EBF1: variants seen among roughly 807,000 people sequenced by gnomAD.
EBF1 encodes the protein EBF transcription factor 1.
Under a neutral mutation model 68.4 loss-of-function variants are expected in EBF1, and 10 were observed. That is an observed-to-expected ratio of 0.15 (90% CI 0.09 to 0.25). The LOEUF is 0.25. EBF1 is among the 10% of genes least tolerant of loss of function. The probability of loss-of-function intolerance (pLI) is 1.00; values close to 1 mark genes in which losing one functional copy is unlikely to be tolerated. For synonymous variants in EBF1, 298 were observed against 299.8 expected, an observed-to-expected ratio of 0.99 and a Z score of 0.06; for missense variants, 509 against 794.4, an observed-to-expected ratio of 0.64 and a Z score of 4.32.
Position 158,699,158 on chromosome 5 carries a change from CAG to C in EBF1, c.1745-18_1745-17del. ...CCAGATATCGCTATGAAAGAAAAGA[CAG>C]AAGTCAATGGTTTCTTTGCGTTCAA... On this transcript the variant is annotated splice_polypyrimidine_tract_variant and intron_variant, in intron 15 of 15. Coordinates refer to ENST00000313708, the MANE Select transcript of EBF1 (RefSeq NM_024007.5). 2.5e-6 allele frequency: 4 copies of C among 1,596,166 alleles called. No individual in the cohort carries two copies. Among genetic ancestry groups the C allele is most frequent in the Non-Finnish European group, 2.6e-6 (3 of 1,170,902 alleles).
At chr5:158,911,931 A>T (rs1806073599) in intron 6 of EBF1, among the ~76,000 whole-genome samples, 1 of 152,236 alleles carries the variant, frequency 6.6e-6, no homozygotes. Context: ...TCATAAATAC[A>T]GCCATACCTG....
chr5:159,058,276 G>A (rs959445272), intron 6 of EBF1, among the ~76,000 whole-genome samples: 2 of 152,208 alleles, frequency 1.3e-5, no homozygotes, highest in African/African-American at 4.8e-5. Context: ...GTAAGAAAAT[G>A]TTTTGTTAAT....
chr5:159,077,745 CTTTT>C (rs58717165), intron 5 of EBF1, among the ~76,000 whole-genome samples: 1 of 80,616 alleles, frequency 1.2e-5, no homozygotes, highest in Admixed American at 1.3e-4. Flanking sequence ...CAGTGGTTTG[CTTTT>C]TTTTTTTTTT....
chr5:159,030,889 G>T (rs1019968265), intron 6 of EBF1, among the ~76,000 whole-genome samples: 1 of 152,248 alleles, frequency 6.6e-6, no homozygotes, highest in South Asian at 2.1e-4. Context: ...TATGAAAACA[G>T]TAGCCGGGCA....
intron 6 of EBF1, among the ~76,000 whole-genome samples, chr5:158,845,355 G>A (rs188151088): frequency 3.0e-4 from 45 of 152,240 alleles, no homozygotes; most frequent in Admixed American, 2.7e-3. Context: ...CGTAATTTTA[G>A]CTTTACTCCT....
chr5:158,889,175 C>T (rs1216943332), intron 6 of EBF1, among the ~76,000 whole-genome samples: 1 of 152,110 alleles, frequency 6.6e-6, no homozygotes, highest in African/African-American at 2.4e-5. Flanking sequence ...ATTTAAACAC[C>T]TAATACTGTA....
intron 6 of EBF1, among the ~76,000 whole-genome samples, chr5:158,857,457 T>C (rs1794250999): frequency 6.6e-6 from 1 of 152,116 alleles, no homozygotes; most frequent in Non-Finnish European, 1.5e-5. Flanking sequence ...GTTTGTAAGA[T>C]TGAAGTCCCG....
intron 6 of EBF1, among the ~76,000 whole-genome samples, chr5:158,946,987 G>A (rs1380256349): frequency 2.6e-5 from 4 of 152,192 alleles, no homozygotes; most frequent in African/African-American, 9.7e-5. Flanking sequence ...TTAACACTGT[G>A]AGGGGAAAAA....
intron 6 of EBF1, among the ~76,000 whole-genome samples, chr5:158,960,511 T>C (rs953846029): frequency 7.2e-5 from 11 of 152,298 alleles, no homozygotes; most frequent in Admixed American, 5.2e-4. Context: ...ATATTAAAAT[T>C]GTACATCTCT....
chr5:158,766,600 A>G (rs1411295811), intron 10 of EBF1, among the ~76,000 whole-genome samples: 3 of 152,204 alleles, frequency 2.0e-5, no homozygotes, highest in Admixed American at 1.3e-4. Flanking sequence ...GGAGAACACC[A>G]AATATTCAGA....
chr5:159,059,923 G>A (rs1388708907), intron 6 of EBF1, among the ~76,000 whole-genome samples: 1 of 152,164 alleles, frequency 6.6e-6, no homozygotes, highest in Non-Finnish European at 1.5e-5. Flanking sequence ...GAATAATTCA[G>A]CAGCCTCCAC....
intron 6 of EBF1, among the ~76,000 whole-genome samples, chr5:158,885,854 C>T (rs1043850568): frequency 6.6e-6 from 1 of 152,218 alleles, no homozygotes; most frequent in African/African-American, 2.4e-5. Flanking sequence ...GTTTTCTCTT[C>T]CTAGCATAGA....
chr5:158,745,304 A>G (rs1767313647), intron 10 of EBF1, among the ~76,000 whole-genome samples: 1 of 152,242 alleles, frequency 6.6e-6, no homozygotes, highest in Non-Finnish European at 1.5e-5. Flanking sequence ...TTGAAAAGCA[A>G]GTAATAAAGC....
chr5:158,943,650 CT>C (rs1429924322), intron 6 of EBF1, among the ~76,000 whole-genome samples: 2 of 152,126 alleles, frequency 1.3e-5, no homozygotes, highest in Non-Finnish European at 2.9e-5. Flanking sequence ...CAGATTTTAC[CT>C]AAGAGTGTGG....
Position 158,871,804 on chromosome 5 carries a change from C to A in EBF1, c.555-31694G>T, listed in dbSNP as rs1796917853. ...AGTTGGGGCCACAACCTTCCTCAGA[C>A]CTAGCCTTACGATCCAGGATCTCTT... is the stretch of plus-strand genomic sequence containing the variant. On this transcript the variant is annotated intron_variant, in intron 6 of 15. Coordinates refer to ENST00000313708, the MANE Select transcript of EBF1 (RefSeq NM_024007.5). 2.0e-5 allele frequency among the ~76,000 whole-genome samples: 3 copies of A among 152,314 alleles called. 1 individual carries two copies. In the South Asian group the frequency reaches 6.2e-4, roughly 32 times the overall value.
At chr5:158,899,313 T>C (rs1802804960) in intron 6 of EBF1, among the ~76,000 whole-genome samples, 1 of 152,214 alleles carries the variant, frequency 6.6e-6, no homozygotes, top group South Asian at 2.1e-4. Flanking sequence ...ACATATGTGA[T>C]AGTGTAAGAG....
intron 9 of EBF1, among the ~76,000 whole-genome samples, chr5:158,781,511 C>T (rs77607738): frequency 0.011 from 1,749 of 152,158 alleles, 30 homozygotes; most frequent in African/African-American, 0.039. Context: ...ACAGAATCTC[C>T]CCAAATAAGT....
At chr5:158,939,946 T>C (rs10077673) in intron 6 of EBF1, among the ~76,000 whole-genome samples, 22,922 of 152,078 alleles carry the variant, frequency 0.15, 3,283 homozygotes, top group East Asian at 0.52. Flanking sequence ...AATACACTTA[T>C]ACCCTCTCAA....
chr5:158,973,802 A>G (rs2127569113), intron 6 of EBF1, among the ~76,000 whole-genome samples: 1 of 152,328 alleles, frequency 6.6e-6, no homozygotes, highest in Admixed American at 6.5e-5. Context: ...ATCCTCAATA[A>G]TTCCTAGTAG....
Sources: gnomAD v4.1 joint callset for allele counts (sites outside exome capture counted in the v4.1 genomes callset) on GRCh38, gnomAD v4.1.1 for gene constraint, MANE v1.5 for transcripts, NCBI Gene and HGNC (gene_info 2026-07-23, HGNC 2026-07-21) for gene names.